The following CCND3 variants were observed in gnomAD, a reference collection of about 807,000 sequenced individuals.
CCND3 encodes the protein cyclin D3.
Under a neutral mutation model 28.7 loss-of-function variants are expected in CCND3, and 9 were observed. That is an observed-to-expected ratio of 0.31 (90% CI 0.19 to 0.55). The LOEUF is 0.55. Among genes scored for constraint, CCND3 ranks in the 20% least tolerant of loss-of-function variants. The pLI, the probability that CCND3 is intolerant of heterozygous loss-of-function variation, is 0.93. For synonymous variants in CCND3, 164 were observed against 163.9 expected, an observed-to-expected ratio of 1.00 and a Z score of 0.00; for missense variants, 315 against 385.8, an observed-to-expected ratio of 0.82 and a Z score of 1.54.
intron 1 of CCND3, 140 bp from the exon 2 acceptor site, chr6:41,940,725 AAGG>A: frequency 1.3e-6 from 1 of 748,388 alleles, no homozygotes; most frequent in Non-Finnish European, 2.3e-6. Flanking sequence ...AGGACCAATA[AAGG>A]AGGAGGATGC....
chr6:41,984,000 C>CA (rs1582131715), intron 1 of CCND3, among the ~76,000 whole-genome samples: 6 of 152,258 alleles, frequency 3.9e-5, no homozygotes, highest in African/African-American at 1.4e-4. Context: ...TCTCTACTCC[C>CA]AAGAGTTTGA....
chr6:42,033,888 T>C (rs569841096), intron 1 of CCND3, among the ~76,000 whole-genome samples: 1 of 148,020 alleles, frequency 6.8e-6, no homozygotes, highest in East Asian at 2.1e-4. Flanking sequence ...TAATTTAATT[T>C]TAATGCCTAT....
intron 1 of CCND3, among the ~76,000 whole-genome samples, chr6:42,046,188 G>A (rs1451669541): frequency 6.6e-6 from 1 of 152,192 alleles, no homozygotes; most frequent in Non-Finnish European, 1.5e-5. Flanking sequence ...TGTGGGGAGG[G>A]CCCTTGTAAG....
At chr6:42,042,424 GA>G (rs1207027896) in intron 1 of CCND3, among the ~76,000 whole-genome samples, 2 of 151,514 alleles carry the variant, frequency 1.3e-5, no homozygotes, top group Non-Finnish European at 2.9e-5. Context: ...GCAATGGCGC[GA>G]TCTCGGCTCA....
intron 1 of CCND3, among the ~76,000 whole-genome samples, chr6:41,992,436 A>G (rs1369012065): frequency 2.0e-5 from 3 of 147,574 alleles, no homozygotes; most frequent in African/African-American, 7.5e-5. Flanking sequence ...TGCTGGGATT[A>G]CAGGCATGAG....
rs1470777910 is a variant in CCND3 at position 41,935,421 on chromosome 6, G to C, written c.*519C>G. On this transcript the variant is annotated 3_prime_UTR_variant, in exon 5 of 5. Coordinates refer to ENST00000372991, the MANE Select transcript of CCND3 (RefSeq NM_001760.5). ...GAGGCCTAGGCCCCTCCCTCTAGGA[G>C]CAGCTGTCAGCACGGACTACATAGG... 3 of 246,804 alleles carry C rather than the reference G, an allele frequency of 1.2e-5. No homozygotes were observed. Among genetic ancestry groups the C allele is most frequent in the Non-Finnish European group, 2.4e-5 (3 of 127,654 alleles). The allele number at this position is 246,804 out of a possible 1,614,324, so 15.3% of individuals were successfully genotyped here. A position where few individuals can be genotyped will look rare whatever the true frequency, so the allele number is the denominator to read the frequency against.
intron 1 of CCND3, among the ~76,000 whole-genome samples, chr6:41,996,303 C>T (rs1169882742): frequency 6.6e-6 from 1 of 151,714 alleles, no homozygotes; most frequent in Non-Finnish European, 1.5e-5. Context: ...GCACACGCCA[C>T]CATGTCCGGC....
chr6:42,018,175 C>T (rs118140399), intron 1 of CCND3, among the ~76,000 whole-genome samples: 3,642 of 151,376 alleles, frequency 0.024, 117 homozygotes, highest in East Asian at 0.16. Context: ...AAAAGTAAAA[C>T]GTCCACCTGA....
chr6:41,998,239 G>T (rs1412450843), intron 1 of CCND3, among the ~76,000 whole-genome samples: 1 of 146,580 alleles, frequency 6.8e-6, no homozygotes, highest in African/African-American at 2.5e-5. Context: ...AGAAAGCTGA[G>T]ATCGCACCAC....
At chr6:41,948,341 T>C (rs1776220275) in intron 1 of CCND3, among the ~76,000 whole-genome samples, 2 of 116,692 alleles carry the variant, frequency 1.7e-5, no homozygotes, top group South Asian at 6.3e-4. Context: ...TTGTTTTTTT[T>C]TGTTTTTTTT....
intron 1 of CCND3, among the ~76,000 whole-genome samples, chr6:41,989,142 A>AT (rs1762579587): frequency 1.3e-5 from 2 of 152,034 alleles, no homozygotes; most frequent in Admixed American, 1.3e-4. Context: ...TATGCAAAAA[A>AT]AACTCTTAAA....
At chr6:42,049,046 T>TTTTTC, upstream of CCND3, 3 of 166,534 alleles carry the variant, frequency 1.8e-5, no homozygotes, top group Non-Finnish European at 3.8e-5. Flanking sequence ...TTTCTTTTTC[T>TTTTTC]TTTTTTTGAG....
Position 41,941,694 on chromosome 6 carries a change from C to A in CCND3, c.-45G>T. On this transcript the variant is annotated 5_prime_UTR_variant, in exon 1 of 5. Transcript: ENST00000372991. This position sits in a 1 kb window ranked among gnomAD's most constrained non-coding sequence, Gnocchi z 6.1. ...AGGGCGGGAGTGCGGGCTCGCGAGT[C>A]CCAAGGCAGGCGACGGGCCGGAGAG... is the stretch of plus-strand genomic sequence containing the variant. 2 of 1,286,690 alleles carry A rather than the reference C, an allele frequency of 1.6e-6. No homozygotes were observed. Among genetic ancestry groups the A allele is most frequent in the Non-Finnish European group, 2.0e-6 (2 of 1,007,206 alleles). 79.7% of individuals were successfully genotyped at this position (1,286,690 alleles called of 1,614,324 possible).
At position 41,940,408 on chromosome 6, in the gene CCND3, T is replaced by G. The variant is rs1363914557; in HGVS notation, c.376A>C (p.Ile126Leu). The G allele has an allele frequency of 6.2e-7, 1 of 1,613,978 alleles. No individual in the cohort carries two copies. Among genetic ancestry groups the G allele is most frequent in the Non-Finnish European group, 8.5e-7 (1 of 1,180,026 alleles). Residue 126 changes from isoleucine to leucine, a missense_variant, in exon 2 of 5, where the codon ATC becomes CTC. Physicochemically the swap from Ile to Leu is conservative, Grantham distance 5. Coordinates refer to ENST00000372991, the MANE Select transcript of CCND3 (RefSeq NM_001760.5). ...TTPLTIEKLC[I>L]YTDHAVSPRQ... is the part of the protein sequence containing the mutation. ...GGAGAGACAGCGTGGTCGGTGTAGA[T>G]GCACAGTTTTTCGATGGTCAGGGGC...
chr6:41,952,902 T>C (rs1776348077), intron 1 of CCND3, among the ~76,000 whole-genome samples: 1 of 151,992 alleles, frequency 6.6e-6, no homozygotes, highest in African/African-American at 2.4e-5. Flanking sequence ...ACATAGACAA[T>C]AGCAGAAGGG....
At chr6:42,033,624 G>A (rs1764109569) in intron 1 of CCND3, among the ~76,000 whole-genome samples, 1 of 151,746 alleles carries the variant, frequency 6.6e-6, no homozygotes, top group South Asian at 2.1e-4. Flanking sequence ...GAGGCGGGCA[G>A]ATCACCTGAG....
intron 1 of CCND3, among the ~76,000 whole-genome samples, chr6:41,957,089 C>G (rs140408929): frequency 7.2e-4 from 110 of 152,308 alleles, no homozygotes; most frequent in African/African-American, 2.6e-3. Flanking sequence ...GAAAAGTTAA[C>G]TCCACACAAA....
intron 1 of CCND3, among the ~76,000 whole-genome samples, chr6:41,995,852 A>C (rs1762783934): frequency 6.6e-6 from 1 of 151,906 alleles, no homozygotes; most frequent in Non-Finnish European, 1.5e-5. Flanking sequence ...CCAAGAGTTC[A>C]AGACCAACCT....
chr6:41,964,295 A>AGTCT (rs1401230626), intron 1 of CCND3, among the ~76,000 whole-genome samples: 11 of 150,064 alleles, frequency 7.3e-5, no homozygotes, highest in Non-Finnish European at 1.2e-4. Flanking sequence ...TGTGTGTGTG[A>AGTCT]GTATGTGTGA....
Sources: gnomAD v4.1 joint callset for allele counts (sites outside exome capture counted in the v4.1 genomes callset) on GRCh38, gnomAD v4.1.1 for gene constraint, Gnocchi (gnomAD v3.1) non-coding constraint, MANE v1.5 for transcripts, NCBI Gene and HGNC (gene_info 2026-07-23, HGNC 2026-07-21) for gene names.